KCNMA1: variants seen among roughly 807,000 people sequenced by gnomAD.
KCNMA1 encodes the protein potassium calcium-activated channel subfamily M alpha 1.
Under a neutral mutation model 140.0 loss-of-function variants are expected in KCNMA1, and 29 were observed. The ratio of observed to expected loss-of-function variants is 0.21; its 90% CI spans 0.15 to 0.28. The LOEUF (loss-of-function observed/expected upper bound fraction) is 0.28. Ranked by LOEUF, KCNMA1 falls within the 10% of genes least tolerant of loss-of-function variation. The pLI is 1.00. For missense variants in KCNMA1, 880 were observed against 1,602.2 expected, an observed-to-expected ratio of 0.55 and a Z score of 7.70; for synonymous variants, 612 against 611.9, an observed-to-expected ratio of 1.00 and a Z score of 0.00.
intron 9 of KCNMA1, among the ~76,000 whole-genome samples, chr10:77,097,271 T>C (rs977766789): frequency 1.3e-5 from 2 of 152,168 alleles, no homozygotes; most frequent in Non-Finnish European, 2.9e-5. Context: ...CTAATCCAAC[T>C]CCCACCTTCC....
chr10:77,174,687 T>C (rs2098737616), intron 5 of KCNMA1, among the ~76,000 whole-genome samples: 1 of 152,214 alleles, frequency 6.6e-6, no homozygotes, highest in African/African-American at 2.4e-5. Context: ...TAAAGTGTGG[T>C]CCACAGAGCA....
rs940972660 is a variant in KCNMA1, at chr10:77,183,323, A to G, written c.808+98T>C. 5 of 813,564 alleles carry G rather than the reference A, an allele frequency of 6.1e-6. No individual in the cohort carries two copies. The African/African-American group carries it at 8.4e-5, about 14-fold the overall frequency. 50.4% of individuals were successfully genotyped at this position (813,564 alleles called of 1,614,324 possible). On this transcript the variant is annotated intron_variant, in intron 5 of 27. Coordinates refer to ENST00000286628, the MANE Select transcript of KCNMA1 (RefSeq NM_001161352.2). ...CGTTGTTCACATTAATACATACAAC[A>G]TTGTTTGTAGGGAGACAGCCCCCTC...
chr10:77,244,631 T>C (rs982662402), intron 3 of KCNMA1, among the ~76,000 whole-genome samples: 2 of 152,188 alleles, frequency 1.3e-5, no homozygotes, highest in Non-Finnish European at 2.9e-5. Context: ...CAAGGACATA[T>C]AAAGAAGTTG....
At chr10:77,380,103 A>T (rs1304658828) in intron 2 of KCNMA1, among the ~76,000 whole-genome samples, 1 of 152,228 alleles carries the variant, frequency 6.6e-6, no homozygotes, top group Non-Finnish European at 1.5e-5. Context: ...GAGGGGGAAA[A>T]ATGAATGAAA....
intron 1 of KCNMA1, among the ~76,000 whole-genome samples, chr10:77,546,877 T>C (rs2061567419): frequency 6.6e-6 from 1 of 152,204 alleles, no homozygotes; most frequent in Non-Finnish European, 1.5e-5. Flanking sequence ...CTGTGCTTGG[T>C]GCTTTGTAAA....
At chr10:77,629,204 C>T (rs1567969500) in intron 1 of KCNMA1, among the ~76,000 whole-genome samples, 1 of 152,124 alleles carries the variant, frequency 6.6e-6, no homozygotes, top group East Asian at 1.9e-4. Context: ...CACAATGTCC[C>T]AAGACAATCA....
intron 20 of KCNMA1, among the ~76,000 whole-genome samples, chr10:76,958,066 A>G (rs2069128155): frequency 6.6e-6 from 1 of 152,214 alleles, no homozygotes; most frequent in Non-Finnish European, 1.5e-5. Context: ...TTGCTAGAAG[A>G]AAGTCCAAGC....
intron 2 of KCNMA1, among the ~76,000 whole-genome samples, chr10:77,355,594 G>C (rs769482714): frequency 5.9e-5 from 9 of 152,306 alleles, no homozygotes; most frequent in Non-Finnish European, 1.0e-4. Flanking sequence ...CTTTGATAAA[G>C]ACACCAAAGG....
intron 20 of KCNMA1, among the ~76,000 whole-genome samples, chr10:76,958,580 G>A (rs1465902940): frequency 1.3e-5 from 2 of 152,126 alleles, no homozygotes; most frequent in South Asian, 4.1e-4. Context: ...AAGTAATTAA[G>A]TTAAAATTAG....
intron 2 of KCNMA1, among the ~76,000 whole-genome samples, chr10:77,264,920 C>T (rs1388527129): frequency 6.6e-6 from 1 of 152,192 alleles, no homozygotes; most frequent in East Asian, 1.9e-4. Context: ...GTATCCACTA[C>T]AGGTTCAGAG....
chr10:77,075,064 T>A (rs2096347096), intron 13 of KCNMA1, among the ~76,000 whole-genome samples: 2 of 152,234 alleles, frequency 1.3e-5, no homozygotes, highest in African/African-American at 4.8e-5. Context: ...GACAATCTTG[T>A]GCATCCTAAG....
chr10:77,094,587 G>A (rs111980588), intron 9 of KCNMA1, among the ~76,000 whole-genome samples: 8 of 152,198 alleles, frequency 5.3e-5, no homozygotes, highest in Non-Finnish European at 1.0e-4. Context: ...ATTACAGGCA[G>A]AAATCATAAG....
chr10:77,516,914 C>A (rs917251608), intron 1 of KCNMA1, among the ~76,000 whole-genome samples: 2 of 150,660 alleles, frequency 1.3e-5, no homozygotes, highest in Admixed American at 1.3e-4. Flanking sequence ...AGCAAATGTG[C>A]ATCACTGGGG....
chr10:77,295,605 C>A (rs1436071283), intron 2 of KCNMA1, among the ~76,000 whole-genome samples: 1 of 150,612 alleles, frequency 6.6e-6, no homozygotes, highest in Non-Finnish European at 1.5e-5. Flanking sequence ...CAAGGTGAAA[C>A]CCCGTCTCTA....
intron 3 of KCNMA1, among the ~76,000 whole-genome samples, chr10:77,195,080 T>C (rs2040009577): frequency 6.6e-6 from 1 of 152,168 alleles, no homozygotes; most frequent in African/African-American, 2.4e-5. Context: ...TGAGGATTTT[T>C]TTTAAGAACA....
intron 2 of KCNMA1, among the ~76,000 whole-genome samples, chr10:77,271,348 A>C (rs554124543): frequency 5.3e-5 from 8 of 152,196 alleles, no homozygotes; most frequent in African/African-American, 1.9e-4. Flanking sequence ...AAAGGTCCCA[A>C]CTCTCATTCT....
At chr10:77,050,481 C>T (rs945510465) in intron 14 of KCNMA1, among the ~76,000 whole-genome samples, 1 of 152,152 alleles carries the variant, frequency 6.6e-6, no homozygotes, top group Non-Finnish European at 1.5e-5. Flanking sequence ...TAGCAAATGA[C>T]AAGGTCTCAC....
intron 19 of KCNMA1, among the ~76,000 whole-genome samples, chr10:76,972,321 C>A (rs1741301599): frequency 1.3e-5 from 2 of 152,184 alleles, no homozygotes; most frequent in African/African-American, 4.8e-5. Context: ...TTTTCAAGGT[C>A]ACCAGATGCT....
At chr10:77,282,113 C>T (rs1277740528) in intron 2 of KCNMA1, among the ~76,000 whole-genome samples, 1 of 152,200 alleles carries the variant, frequency 6.6e-6, no homozygotes, top group East Asian at 1.9e-4. Context: ...TTTTTAGTAA[C>T]TATCACTTAG....
Sources: gnomAD v4.1 joint callset for allele counts (sites outside exome capture counted in the v4.1 genomes callset) on GRCh38, gnomAD v4.1.1 for gene constraint, MANE v1.5 for transcripts, NCBI Gene and HGNC (gene_info 2026-07-23, HGNC 2026-07-21) for gene names.